The following RABGAP1L variants were observed in gnomAD, a reference collection of about 807,000 sequenced individuals.
RABGAP1L encodes rab GTPase-activating protein 1-like.
In RABGAP1L, 63 loss-of-function variants were observed where a neutral mutation model predicts 137.7. The ratio of observed to expected loss-of-function variants is 0.46; its 90% CI spans 0.37 to 0.56. RABGAP1L has a LOEUF of 0.56. RABGAP1L is among the 20% of genes least tolerant of loss of function. RABGAP1L has a pLI of 0.00. For synonymous variants in RABGAP1L, 431 were observed against 433.7 expected (o/e 0.99, Z 0.08); for missense variants, 1,095 against 1,244.0 (o/e 0.88, Z 1.80).
At chr1:174,329,764 C>CA (rs1680855211) in intron 11 of RABGAP1L, among the ~76,000 whole-genome samples, 1 of 152,066 alleles carries the variant, frequency 6.6e-6, no homozygotes, top group African/African-American at 2.4e-5. Flanking sequence ...GAGCATGTGA[C>CA]AGACTTCATC....
At chr1:174,196,936 A>C (rs1192152195) in intron 1 of RABGAP1L, among the ~76,000 whole-genome samples, 1 of 152,100 alleles carries the variant, frequency 6.6e-6, no homozygotes, top group African/African-American at 2.4e-5. Flanking sequence ...CATAAGGTGG[A>C]ATTTGAGATG....
At chr1:174,564,954 A>G (rs1292001791) in intron 13 of RABGAP1L, among the ~76,000 whole-genome samples, 1 of 152,192 alleles carries the variant, frequency 6.6e-6, no homozygotes, top group African/African-American at 2.4e-5. Flanking sequence ...TTATAATATC[A>G]TGCTATGTAT....
rs777852443 is a variant in RABGAP1L, at chr1:174,410,245, G to A, written c.1710+16100G>A. 3.9e-4 allele frequency among the ~76,000 whole-genome samples: 59 copies of A among 152,078 alleles called. 1 individual carries two copies. The highest frequency in any genetic ancestry group is 5.7e-4 in the Non-Finnish European group (39 of 68,002). On this transcript the variant is annotated intron_variant, in intron 13 of 25. Transcript: ENST00000681986. ...GACACTTAGGGAAAATAGGACTTAC[G>A]TTGAAATATTGGGGGTGGGTTCCCC...
chr1:174,377,541 A>G (rs1033806691), intron 12 of RABGAP1L, among the ~76,000 whole-genome samples: 1 of 152,212 alleles, frequency 6.6e-6, no homozygotes, highest in Non-Finnish European at 1.5e-5. Flanking sequence ...AAATAGAGCC[A>G]CGCAATCTAA....
intron 19 of RABGAP1L, among the ~76,000 whole-genome samples, chr1:174,838,740 A>G (rs561091361): frequency 6.6e-6 from 1 of 151,296 alleles, no homozygotes; most frequent in East Asian, 2.0e-4. Flanking sequence ...CCACAGTGAA[A>G]CCCCGTCTCT....
chr1:174,505,796 G>A (rs1159206868), intron 13 of RABGAP1L, among the ~76,000 whole-genome samples: 3 of 152,088 alleles, frequency 2.0e-5, no homozygotes, highest in Admixed American at 2.0e-4. Context: ...TCCCAATAAT[G>A]GGTATATATC....
At chr1:174,542,604 T>C (rs1665571563) in intron 13 of RABGAP1L, among the ~76,000 whole-genome samples, 1 of 152,204 alleles carries the variant, frequency 6.6e-6, no homozygotes, top group Admixed American at 6.5e-5. Flanking sequence ...TCATTTCTGC[T>C]CTGATCTTAG....
intron 13 of RABGAP1L, among the ~76,000 whole-genome samples, chr1:174,423,745 G>A (rs1651629582): frequency 6.6e-6 from 1 of 151,948 alleles, no homozygotes; most frequent in South Asian, 2.1e-4. Flanking sequence ...CTTTCTTATA[G>A]GGAATGCTAT....
At chr1:174,272,553 T>A in intron 8 of RABGAP1L, 73 bp downstream of exon 8, 1 of 1,399,450 alleles carries the variant, frequency 7.1e-7, no homozygotes, top group Admixed American at 2.9e-5. Flanking sequence ...ATTTTCTATT[T>A]ACAAATTTTG....
Position 174,963,113 on chromosome 1 carries a change from T to A in RABGAP1L, c.2433+5564T>A, listed in dbSNP as rs559141694. On this transcript the variant is annotated intron_variant, in intron 20 of 25. Transcript: ENST00000681986. Reference sequence around the variant, plus strand: ...GACTCCGTCTCAAAAAAAAAAAAAATTTTTTTTCTGCCATAGCAAATAAAC... The same window carrying A: ...GACTCCGTCTCAAAAAAAAAAAAAAATTTTTTTCTGCCATAGCAAATAAAC... 6.9e-4 allele frequency among the ~76,000 whole-genome samples: 104 copies of A among 151,218 alleles called. 1 individual carries two copies. The highest frequency in any genetic ancestry group is 1.7e-3 in the South Asian group (8 of 4,776).
chr1:174,385,914 A>G (rs1686726597), intron 12 of RABGAP1L, among the ~76,000 whole-genome samples: 1 of 152,214 alleles, frequency 6.6e-6, no homozygotes. Context: ...TAAAAGGATG[A>G]TAGGAAACGA....
At chr1:174,501,360 AC>A (rs1452047188) in intron 13 of RABGAP1L, among the ~76,000 whole-genome samples, 1 of 151,250 alleles carries the variant, frequency 6.6e-6, no homozygotes, top group Non-Finnish European at 1.5e-5. Context: ...ACTACAGGCG[AC>A]CTCCTTAAGC....
At chr1:174,635,275 C>T (rs924791089) in intron 13 of RABGAP1L, among the ~76,000 whole-genome samples, 8 of 152,038 alleles carry the variant, frequency 5.3e-5, no homozygotes, top group Admixed American at 6.6e-5. Flanking sequence ...AGTTATCCTG[C>T]GGGCCAATAG....
At chr1:174,255,677 A>G (rs186082403) in intron 7 of RABGAP1L, among the ~76,000 whole-genome samples, 12 of 152,156 alleles carry the variant, frequency 7.9e-5, no homozygotes, top group Non-Finnish European at 2.9e-5. Context: ...GGTGTGCCCT[A>G]CAACGCCTGG....
At chr1:174,542,512 C>T (rs1299219086) in intron 13 of RABGAP1L, among the ~76,000 whole-genome samples, 1 of 151,956 alleles carries the variant, frequency 6.6e-6, no homozygotes, top group Non-Finnish European at 1.5e-5. Context: ...TGCTAGTGGT[C>T]TACCAATTTT....
intron 11 of RABGAP1L, among the ~76,000 whole-genome samples, chr1:174,331,931 G>T (rs745424429): frequency 2.0e-5 from 3 of 150,946 alleles, no homozygotes; most frequent in African/African-American, 7.3e-5. Flanking sequence ...GCGGTGTTTG[G>T]TTTTTTGTCC....
intron 19 of RABGAP1L, among the ~76,000 whole-genome samples, chr1:174,881,193 G>A (rs1654137346): frequency 1.3e-5 from 2 of 152,128 alleles, no homozygotes; most frequent in Non-Finnish European, 2.9e-5. Flanking sequence ...GTATATTATG[G>A]CTCAATGCAA....
At chr1:174,211,775 A>G (rs1443547185) in intron 1 of RABGAP1L, among the ~76,000 whole-genome samples, 1 of 152,130 alleles carries the variant, frequency 6.6e-6, no homozygotes, top group Non-Finnish European at 1.5e-5. Flanking sequence ...TGAAAATAAA[A>G]GGATGGAAAA....
At chr1:174,862,368 T>C (rs1050493117) in intron 19 of RABGAP1L, among the ~76,000 whole-genome samples, 18 of 152,132 alleles carry the variant, frequency 1.2e-4, no homozygotes, top group Admixed American at 8.5e-4. Context: ...TGAAAAACAG[T>C]ACTGTTAGAG....
Sources: allele counts gnomAD v4.1 joint callset (sites outside exome capture counted in the v4.1 genomes callset), GRCh38; gene constraint gnomAD v4.1.1; transcripts MANE v1.5; gene names NCBI Gene and HGNC (gene_info 2026-07-23, HGNC 2026-07-21).